Variants in ZNF232 observed in about 807,000 individuals in gnomAD.
ZNF232 encodes zinc finger protein 232, also known as zinc finger and SCAN domain-containing protein 11.
Under a neutral mutation model 25.2 loss-of-function variants are expected in ZNF232, and 25 were observed. The ratio of observed to expected loss-of-function variants is 0.99; its 90% CI spans 0.72 to 1.39. The LOEUF (loss-of-function observed/expected upper bound fraction) is 1.39. Among genes scored for constraint, ZNF232 ranks in the 40% most tolerant of loss-of-function variants. The pLI, the probability that ZNF232 is intolerant of heterozygous loss-of-function variation, is 0.00. For missense variants in ZNF232, 519 were observed against 520.9 expected (o/e 1.00, Z 0.04); for synonymous variants, 193 against 182.9 (o/e 1.06, Z -0.45).
At position 5,110,083 on chromosome 17, in the gene ZNF232, G is replaced by A. The variant is rs147700155; in HGVS notation, c.24-215C>T. On this transcript the variant is annotated intron_variant, in intron 1 of 3. Coordinates refer to ENST00000575898, the Ensembl canonical transcript of ZNF232. ...TTTTTTGTATTTTTAGTAGGGACGG[G>A]GTTTTGCCATATTGGCCAGGCTGGT... Among the ~76,000 whole-genome samples, 80 of 152,142 alleles carry A rather than the reference G, an allele frequency of 5.3e-4. 2 individuals are homozygous for A. The East Asian group carries it at 0.015, about 28-fold the overall frequency.
intron 1 of ZNF232, among the ~76,000 whole-genome samples, chr17:5,119,040 A>T (rs2072593611): frequency 6.6e-6 from 1 of 152,190 alleles, no homozygotes; most frequent in African/African-American, 2.4e-5. Context: ...ATGGGGTTTC[A>T]CTGGGGGCCT....
At chr17:5,115,299 T>C (rs2072503698), upstream of ZNF232, among the ~76,000 whole-genome samples, 1 of 151,914 alleles carries the variant, frequency 6.6e-6, no homozygotes, top group South Asian at 2.1e-4. Flanking sequence ...TGCCTGTAAT[T>C]CCAGCACTTT....
upstream of ZNF232, chr17:5,113,755 T>G (rs2072469440): frequency 6.6e-6 from 1 of 152,224 alleles, no homozygotes; most frequent in Non-Finnish European, 1.5e-5. Flanking sequence ...ATACCCATTT[T>G]ACTGTTCCCC....
At chr17:5,106,121 G>A (rs755243266) in exon 4 of ZNF232, 32 of 1,614,024 alleles carry the variant, frequency 2.0e-5, no homozygotes, top group African/African-American at 4.0e-5. Flanking sequence ...GATGCTGACC[G>A]AGGTTTGAGC....
rs2072255237 is a variant in ZNF232, at chr17:5,106,130, GCT to G, written c.1000_1001del (p.Ser334LeufsTer19). On this transcript the variant is annotated frameshift_variant, in exon 4 of 4. Transcript: ENST00000575898. LOFTEE classifies it low-confidence loss of function (END_TRUNC). ...TTCTCTGATGCTGACCGAGGTTTGAGCTCTGTTTGAAAGTTTTCCCACAGTCA... is the reference window on the plus strand; with the variant it reads ...TTCTCTGATGCTGACCGAGGTTTGAGCTGTTTGAAAGTTTTCCCACAGTCA... 3.1e-6 allele frequency: 5 copies of G among 1,614,148 alleles called. No individual in the cohort carries two copies. The highest frequency in any genetic ancestry group is 4.2e-6 in the Non-Finnish European group (5 of 1,180,032).
upstream of ZNF232, among the ~76,000 whole-genome samples, chr17:5,115,555 A>ACACACACACACACACACACACAC (rs2072512102): frequency 4.0e-5 from 6 of 148,664 alleles, no homozygotes; most frequent in Non-Finnish European, 8.9e-5. Flanking sequence ...CGTCTCCAAA[A>ACACACACACACACACACACACAC]ACACACACAC....
In ZNF232 at chr17:5,106,976, A is replaced by C. The variant is rs146104474; in HGVS notation, c.626-470T>G. ...TTCCCATCCGTTTCCCAGCTGCATC[A>C]ATCTATAGCCTCTTTAGAGGACTCT... On this transcript the variant is annotated intron_variant, in intron 3 of 3. Transcript: ENST00000575898. Among the ~76,000 whole-genome samples the C allele has an allele frequency of 3.9e-3, 594 of 152,180 alleles. 4 individuals carry two copies. The highest frequency in any genetic ancestry group is 0.014 in the African/African-American group (567 of 41,512).
At position 5,108,970 on chromosome 17, in the gene ZNF232, C is replaced by T. The variant is rs373725487; in HGVS notation, c.581G>A (p.Ser194Asn). 3.1e-6 allele frequency: 5 copies of T among 1,614,054 alleles called. No homozygotes were observed. The African/African-American group carries it at 4.0e-5, about 13-fold the overall frequency. The change falls in exon 3 of 4, where the codon AGC (serine) becomes AAC (asparagine). Residue 194 changes from serine (S) to asparagine (N), a missense_variant. Physicochemically the swap from Ser to Asn is conservative, Grantham distance 46. Coordinates refer to ENST00000575898, the Ensembl canonical transcript of ZNF232. The stretch of plus-strand genomic sequence containing the variant: ...GGTCTCCTTAGGCTGGAGCTGGATG[C>T]TCAGTGCTTCCTGGGCTGCTCCCAG...
exon 4 of ZNF232, chr17:5,106,409 A>G (rs2072262195): frequency 1.2e-6 from 2 of 1,614,118 alleles, no homozygotes; most frequent in Non-Finnish European, 1.7e-6. Flanking sequence ...AGGTGTCAGT[A>G]GCAAGTTTTT....
At chr17:5,109,208 G>A (rs2072333807) in intron 2 of ZNF232, 156 bp from the exon 3 acceptor site, 1 of 1,245,576 alleles carries the variant, frequency 8.0e-7, no homozygotes, top group African/African-American at 1.5e-5. Flanking sequence ...AAGGGAAGAA[G>A]AGGAGCTAGA....
chr17:5,112,534 C>T (rs1192241735), upstream of ZNF232, among the ~76,000 whole-genome samples: 1 of 151,722 alleles, frequency 6.6e-6, no homozygotes, highest in Non-Finnish European at 1.5e-5. Context: ...TCACTGCAAG[C>T]TCCGCCTCCC....
At position 5,106,432 on chromosome 17, in the gene ZNF232, G is replaced by A; in HGVS notation, c.700C>T (p.Gln234Ter). ...GTAGCAAGTTTTTCTGAGAACACCT[G>A]TGATTCCACTTCAGTAATGGGTGGT... The change falls in exon 4 of 4, where the codon CAG (glutamine) becomes TAG (stop). Residue 234 changes from glutamine (Q) to a stop codon, truncating the protein, a stop_gained. Coordinates refer to ENST00000575898, the Ensembl canonical transcript of ZNF232. LOFTEE classifies it low-confidence loss of function (END_TRUNC). The A allele has an allele frequency of 6.2e-6, 10 of 1,614,222 alleles. No individual in the cohort carries two copies. Among genetic ancestry groups the A allele is most frequent in the Non-Finnish European group, 8.5e-6 (10 of 1,180,042 alleles).
At chr17:5,106,647 T>C (rs2072267935) in intron 3 of ZNF232, 114 bp from the exon 4 acceptor site, 1 of 902,060 alleles carries the variant, frequency 1.1e-6, no homozygotes, top group Admixed American at 3.0e-5. Flanking sequence ...TACTGGATAT[T>C]GCCAACAGTT....
upstream of ZNF232, among the ~76,000 whole-genome samples, chr17:5,115,809 G>A (rs537612730): frequency 6.6e-6 from 1 of 152,292 alleles, no homozygotes; most frequent in African/African-American, 2.4e-5. Context: ...GGCCTCATGC[G>A]CGGACTGGCG....
chr17:5,107,161 G>T (rs951551881), intron 3 of ZNF232, among the ~76,000 whole-genome samples: 13 of 151,830 alleles, frequency 8.6e-5, no homozygotes, highest in Admixed American at 7.9e-4. Flanking sequence ...GGCCAGGGCG[G>T]GTGGATCACG....
chr17:5,111,494 G>A (rs56229705), intron 1 of ZNF232: 56,667 of 476,842 alleles, frequency 0.12, 3,979 homozygotes, highest in African/African-American at 0.21. Flanking sequence ...CCCCGGCCTC[G>A]GGCAGGTGCC....
At chr17:5,113,728 C>T (rs1284726209), upstream of ZNF232, 1 of 152,170 alleles carries the variant, frequency 6.6e-6, no homozygotes, top group African/African-American at 2.4e-5. Context: ...GACATCCACC[C>T]TAGAGTTCAG....
chr17:5,117,833 A>G (rs2072569143), intron 1 of ZNF232, among the ~76,000 whole-genome samples: 2 of 151,844 alleles, frequency 1.3e-5, no homozygotes, highest in South Asian at 4.2e-4. Context: ...GGTGGCTCAC[A>G]CCTGTAATCC....
At chr17:5,119,596 G>C (rs1004579244) in intron 1 of ZNF232, among the ~76,000 whole-genome samples, 11 of 152,156 alleles carry the variant, frequency 7.2e-5, no homozygotes, top group African/African-American at 2.4e-4. Context: ...AGAGGACCCT[G>C]GGTGAGGCCT....
Sources: gnomAD v4.1 joint callset for allele counts (sites outside exome capture counted in the v4.1 genomes callset) on GRCh38, gnomAD v4.1.1 for gene constraint, MANE v1.5 for transcripts, NCBI Gene and HGNC (gene_info 2026-07-23, HGNC 2026-07-21) for gene names.